Variants in CD300LB observed in about 807,000 individuals in gnomAD.
The protein encoded by CD300LB is CD300 molecule like family member b, also known as CMRF35-like molecule 7.
A neutral mutation model predicts 20.8 loss-of-function variants in CD300LB; 18 were observed. The observed-to-expected ratio is 0.87, with a 90% CI of 0.60 to 1.28. The LOEUF is 1.28. Ranked by LOEUF, CD300LB falls within the 50% of genes most tolerant of loss-of-function variation. The probability of loss-of-function intolerance (pLI) is 0.00; values close to 1 mark genes in which losing one functional copy is unlikely to be tolerated. For missense variants in CD300LB, 222 were observed against 251.8 expected (o/e 0.88, Z 0.80); for synonymous variants, 91 against 91.3 (o/e 1.00, Z 0.02).
intron 2 of CD300LB, among the ~76,000 whole-genome samples, chr17:74,524,038 G>T (rs964666146): frequency 1.3e-5 from 2 of 152,184 alleles, no homozygotes; most frequent in African/African-American, 4.8e-5. Context: ...GAAGATTCTG[G>T]AAATGGGCTG....
rs1908022704 is a variant in CD300LB, at chr17:74,526,001, C to T, written c.117G>A (p.Lys39=). The T allele has an allele frequency of 6.2e-7, 1 of 1,614,062 alleles. No individual in the cohort carries two copies. The highest frequency in any genetic ancestry group is 1.3e-5 in the African/African-American group (1 of 74,912). ...ACTTAATGTAGGTCTCCCATCCTTG[C>T]TTATAGTGGCATTGAACCGTCAGGG... The part of the protein sequence containing the change: ...QGSLTVQCHY[K]QGWETYIKWW... Residue 39 remains lysine (K), a synonymous_variant, in exon 2 of 4, where the codon AAG becomes AAA. Transcript: ENST00000392621.
In CD300LB at chr17:74,522,256, G is replaced by T. The variant is rs1160577577; in HGVS notation, c.*482C>A. The T allele has an allele frequency of 1.0e-6, 1 of 986,472 alleles. No individual in the cohort carries two copies. The highest frequency in any genetic ancestry group is 1.2e-6 in the Non-Finnish European group (1 of 830,614). The allele number at this position is 986,472 out of a possible 1,614,324, so 61.1% of individuals were successfully genotyped here. A position where few individuals can be genotyped will look rare whatever the true frequency, so the allele number is the denominator to read the frequency against. ...ATCACCCTCCTTGTGTGTGGGATCAGAGAGGTTTCCTATGAACATAAGTCA... is the reference window on the plus strand; with the variant it reads ...ATCACCCTCCTTGTGTGTGGGATCATAGAGGTTTCCTATGAACATAAGTCA... On this transcript the variant is annotated 3_prime_UTR_variant, in exon 4 of 4. Coordinates refer to ENST00000392621, the MANE Select transcript of CD300LB (RefSeq NM_174892.4).
rs79886608 is a variant in CD300LB, at chr17:74,522,912, G to T, written c.444-12C>A. 1 of 1,612,392 alleles carries T rather than the reference G, an allele frequency of 6.2e-7. No homozygotes were observed. Among genetic ancestry groups the T allele is most frequent in the Admixed American group, 1.7e-5 (1 of 59,974 alleles). Reference sequence around the variant, plus strand: ...GCATGTAGTGGTTCCTGGGGAAGGGGATGCAGTGGTCAGAGCCCTGGGCAT... The same window carrying T: ...GCATGTAGTGGTTCCTGGGGAAGGGTATGCAGTGGTCAGAGCCCTGGGCAT... On this transcript the variant is annotated splice_polypyrimidine_tract_variant and intron_variant, in intron 3 of 3. Transcript: ENST00000392621.
At chr17:74,527,682 A>G (rs932885293) in intron 1 of CD300LB, among the ~76,000 whole-genome samples, 7 of 138,344 alleles carry the variant, frequency 5.1e-5, no homozygotes, top group Middle Eastern at 3.4e-3. Context: ...GGAGAGTCCA[A>G]TTGGAAGATG....
chr17:74,526,190 A>C (rs1490741396), intron 1 of CD300LB, 113 bp from the exon 2 acceptor site: 7 of 1,428,432 alleles, frequency 4.9e-6, no homozygotes, highest in African/African-American at 1.4e-5. Flanking sequence ...ACAAAATCCC[A>C]AGATACAGCT....
chr17:74,523,260 C>G, intron 3 of CD300LB: 3 of 519,780 alleles, frequency 5.8e-6, no homozygotes, highest in Middle Eastern at 5.1e-4. Context: ...GTTCTGTGTC[C>G]CTTGATGTCT....
chr17:74,522,950 T>C, intron 3 of CD300LB, 50 bp from the exon 4 acceptor site: 3 of 1,559,910 alleles, frequency 1.9e-6, no homozygotes, highest in Non-Finnish European at 2.6e-6. Context: ...CCAGGCCATG[T>C]CACTCCCATC....
At chr17:74,527,382 C>T (rs1248858294) in intron 1 of CD300LB, among the ~76,000 whole-genome samples, 1 of 152,262 alleles carries the variant, frequency 6.6e-6, no homozygotes, top group Admixed American at 6.5e-5. Flanking sequence ...CAGGCCCAGG[C>T]CAGGGGTCTC....
Position 74,521,565 on chromosome 17 carries a change from G to A in CD300LB, c.*1173C>T, listed in dbSNP as rs1393294701. The A allele has an allele frequency of 1.0e-6, 1 of 985,380 alleles. No individual in the cohort carries two copies. The highest frequency in any genetic ancestry group is 1.2e-6 in the Non-Finnish European group (1 of 829,974). 61.0% of individuals were successfully genotyped at this position (985,380 alleles called of 1,614,324 possible). A position where few individuals can be genotyped will look rare whatever the true frequency, so the allele number is the denominator to read the frequency against. ...CTCTTTGGCTGAAGGACAAGAAGAG[G>A]GGAGGCTCTGGGTGCCATGCTAGGG... On this transcript the variant is annotated 3_prime_UTR_variant, in exon 4 of 4. Transcript: ENST00000392621.
chr17:74,526,175 G>A (rs1472377947), intron 1 of CD300LB, 98 bp from the exon 2 acceptor site: 1 of 1,499,262 alleles, frequency 6.7e-7, no homozygotes, highest in Non-Finnish European at 9.0e-7. Flanking sequence ...GAAACAGCCT[G>A]GAAAACAAAA....
At position 74,525,819 on chromosome 17, in the gene CD300LB, T is replaced by C. The variant is rs763489246; in HGVS notation, c.299A>G (p.Asp100Gly). The C allele has an allele frequency of 6.2e-7, 1 of 1,614,004 alleles. No individual in the cohort carries two copies. Among genetic ancestry groups the C allele is most frequent in the African/African-American group, 1.3e-5 (1 of 74,902 alleles). Residue 100 changes from aspartate to glycine, a missense_variant, in exon 2 of 4, where the codon GAT becomes GGT. Asp to Gly is a moderately conservative substitution (Grantham distance 94). Transcript: ENST00000392621. Reference sequence around the variant, plus strand: ...TCTTTCAATCCCACACCAGTAAACATCTGCGTCATCTCGCCTGAGCCCCTC... The same window carrying C: ...TCTTTCAATCCCACACCAGTAAACACCTGCGTCATCTCGCCTGAGCCCCTC... ...TMEGLRRDDA[D>G]VYWCGIERRG... is the part of the protein sequence containing the mutation.
Position 74,522,683 on chromosome 17 carries a change from C to A in CD300LB, c.*55G>T. On this transcript the variant is annotated 3_prime_UTR_variant, in exon 4 of 4. Transcript: ENST00000392621. ...GACTCGTAGATGTTCCTTCCACAGC[C>A]CGAGTCTCTTCTGGAAACGTGGCCA... is the stretch of plus-strand genomic sequence containing the variant. 1.2e-5 allele frequency: 19 copies of A among 1,604,970 alleles called. No homozygotes were observed. The highest frequency in any genetic ancestry group is 1.5e-5 in the Non-Finnish European group (18 of 1,174,202).
Position 74,525,807 on chromosome 17 carries a change from C to A in CD300LB, c.311G>T (p.Cys104Phe), listed in dbSNP as rs138662572. The A allele has an allele frequency of 1.2e-4, 196 of 1,614,190 alleles. No individual in the cohort carries two copies. In the Admixed American group the frequency reaches 1.7e-3, roughly 14 times the overall value. The part of the protein sequence containing the change: ...LRRDDADVYW[C>F]GIERRGPDLG... ...GTCAGGTCCTCTTCTTTCAATCCCA[C>A]ACCAGTAAACATCTGCGTCATCTCG... The change falls in exon 2 of 4, where the codon TGT becomes TTT. Residue 104 changes from cysteine to phenylalanine, a missense_variant. Physicochemically the swap from Cys to Phe is radical, Grantham distance 205. Coordinates refer to ENST00000392621, the MANE Select transcript of CD300LB (RefSeq NM_174892.4).
Position 74,521,237 on chromosome 17 carries a change from C to T in CD300LB, c.*1501G>A. On this transcript the variant is annotated 3_prime_UTR_variant, in exon 4 of 4. Transcript: ENST00000392621. Reference sequence around the variant, plus strand: ...AGAAACGGTGGGAAAAGAATGACATCACGTTGACAAGCGCCCATGTCCCCT... The same window carrying T: ...AGAAACGGTGGGAAAAGAATGACATTACGTTGACAAGCGCCCATGTCCCCT... 1 of 342,160 alleles carries T rather than the reference C, an allele frequency of 2.9e-6. No individual in the cohort carries two copies. Among genetic ancestry groups the T allele is most frequent in the Non-Finnish European group, 4.1e-6 (1 of 242,086 alleles). 21.2% of individuals were successfully genotyped at this position (342,160 alleles called of 1,614,324 possible).
chr17:74,531,453 T>C lies in CD300LB; in HGVS notation c.-103A>G. 6.3e-7 allele frequency: 1 copy of C among 1,593,112 alleles called. No homozygotes were observed. Among genetic ancestry groups the C allele is most frequent in the Non-Finnish European group, 8.5e-7 (1 of 1,170,250 alleles). ...TCTGCCTGAGCTCTGGCTTGCACCTTCTGCACATCTAGACCGCCTTTGACT... is the reference window on the plus strand; with the variant it reads ...TCTGCCTGAGCTCTGGCTTGCACCTCCTGCACATCTAGACCGCCTTTGACT... On this transcript the variant is annotated 5_prime_UTR_variant, in exon 1 of 4. Coordinates refer to ENST00000392621, the MANE Select transcript of CD300LB (RefSeq NM_174892.4).
rs371392978 is a variant in CD300LB at position 74,531,392 on chromosome 17, A to T, written c.-42T>A. The T allele has an allele frequency of 2.9e-5, 47 of 1,612,938 alleles. No individual in the cohort carries two copies. The highest frequency in any genetic ancestry group is 3.6e-5 in the Non-Finnish European group (42 of 1,179,504). ...CTCCTCGTCCGCCTGATCTGCAACCAGTGGCAAATGCAGATCCCAGATGCA... is the reference window on the plus strand; with the variant it reads ...CTCCTCGTCCGCCTGATCTGCAACCTGTGGCAAATGCAGATCCCAGATGCA... On this transcript the variant is annotated 5_prime_UTR_variant, in exon 1 of 4. Coordinates refer to ENST00000392621, the MANE Select transcript of CD300LB (RefSeq NM_174892.4).
intron 1 of CD300LB, among the ~76,000 whole-genome samples, chr17:74,528,518 C>T (rs1487898701): frequency 6.6e-6 from 1 of 152,234 alleles, no homozygotes; most frequent in African/African-American, 2.4e-5. Context: ...AAACCAGCAG[C>T]TCCACCACCC....
Position 74,521,844 on chromosome 17 carries a change from G to C in CD300LB, c.*894C>G, listed in dbSNP as rs1598125281. The C allele has an allele frequency of 2.0e-6, 2 of 985,510 alleles. No individual in the cohort carries two copies. Among genetic ancestry groups the C allele is most frequent in the Middle Eastern group, 5.2e-4 (1 of 1,916 alleles). 61.0% of individuals were successfully genotyped at this position (985,510 alleles called of 1,614,324 possible). ...CATCGCCGTGGGTGAAGCCTGTGAG[G>C]AGACAGAACCACTTCCCTAGGACAG... On this transcript the variant is annotated 3_prime_UTR_variant, in exon 4 of 4. Coordinates refer to ENST00000392621, the MANE Select transcript of CD300LB (RefSeq NM_174892.4).
intron 1 of CD300LB, among the ~76,000 whole-genome samples, chr17:74,528,320 T>A (rs983688696): frequency 6.6e-6 from 1 of 152,134 alleles, no homozygotes; most frequent in African/African-American, 2.4e-5. Flanking sequence ...ACCACTGCTC[T>A]AAAGAAACCC....
Sources: gnomAD v4.1 joint callset for allele counts (sites outside exome capture counted in the v4.1 genomes callset) on GRCh38, gnomAD v4.1.1 for gene constraint, MANE v1.5 for transcripts, NCBI Gene and HGNC (gene_info 2026-07-23, HGNC 2026-07-21) for gene names.